The following MEF2C variants were observed in gnomAD, a reference collection of about 807,000 sequenced individuals.
MEF2C encodes the protein myocyte enhancer factor 2C, also known as myocyte-specific enhancer factor 2C.
In MEF2C, 6 loss-of-function variants were observed where a neutral mutation model predicts 50.5. The observed-to-expected ratio is 0.12, with a 90% confidence interval of 0.07 to 0.23. The LOEUF (loss-of-function observed/expected upper bound fraction) is 0.23. Ranked by LOEUF, MEF2C falls within the 10% of genes least tolerant of loss-of-function variation. The pLI, the probability that MEF2C is intolerant of heterozygous loss-of-function variation, is 1.00. For synonymous variants in MEF2C, 183 were observed against 228.0 expected, an observed-to-expected ratio of 0.80 and a Z score of 1.78; for missense variants, 276 against 605.0, an observed-to-expected ratio of 0.46 and a Z score of 5.70.
rs1188202765 is a variant in MEF2C, at chr5:88,721,956, G to A, written c.*648C>T. On this transcript the variant is annotated 3_prime_UTR_variant, in exon 11 of 11. Transcript: ENST00000504921. Reference sequence around the variant, plus strand: ...TTTATATTTTTATTTAATAAGAGATGCAGACCCAGATTTATTTATTTATTT... The same window carrying A: ...TTTATATTTTTATTTAATAAGAGATACAGACCCAGATTTATTTATTTATTT... 1 of 152,540 alleles carries A rather than the reference G, an allele frequency of 6.6e-6. No homozygotes were observed. The highest frequency in any genetic ancestry group is 1.5e-5 in the Non-Finnish European group (1 of 68,022). The allele number at this position is 152,540 out of a possible 1,614,324, so 9.4% of individuals were successfully genotyped here. A position where few individuals can be genotyped will look rare whatever the true frequency, so the allele number is the denominator to read the frequency against.
chr5:88,811,468 G>T (rs1248496598), intron 2 of MEF2C, among the ~76,000 whole-genome samples: 1 of 152,088 alleles, frequency 6.6e-6, no homozygotes, highest in Non-Finnish European at 1.5e-5. Flanking sequence ...TAAGCAGGAA[G>T]TTGGACTAGA....
intron 1 of MEF2C, among the ~76,000 whole-genome samples, chr5:88,868,181 G>A (rs1346619907): frequency 6.6e-6 from 1 of 152,004 alleles, no homozygotes; most frequent in East Asian, 1.9e-4. Context: ...TTCACGTTTC[G>A]GAACTACTCT....
At position 88,882,965 on chromosome 5, in the gene MEF2C, A is replaced by G. The variant is rs1833419442; in HGVS notation, c.-153T>C. ...ATCAGGGGTACTTACATGAAGGAAG[A>G]CCCGATCAGATTAGTCCTTGGGATA... On this transcript the variant is annotated 5_prime_UTR_variant, in exon 1 of 11. Coordinates refer to ENST00000504921, the MANE Select transcript of MEF2C (RefSeq NM_002397.5). 6.6e-6 allele frequency: 1 copy of G among 152,014 alleles called. No homozygotes were observed. The highest frequency in any genetic ancestry group is 6.6e-5 in the Admixed American group (1 of 15,254). The allele number at this position is 152,014 out of a possible 1,614,324, so 9.4% of individuals were successfully genotyped here. A position where few individuals can be genotyped will look rare whatever the true frequency, so the allele number is the denominator to read the frequency against.
chr5:88,825,246 A>G (rs1486162483), intron 1 of MEF2C, among the ~76,000 whole-genome samples: 1 of 150,978 alleles, frequency 6.6e-6, no homozygotes, highest in Non-Finnish European at 1.5e-5. Context: ...TAATTTCCAA[A>G]TTCTTTATCA....
intron 6 of MEF2C, chr5:88,734,567 T>G (rs77957548): frequency 1.5e-5 from 5 of 333,274 alleles, no homozygotes; most frequent in Non-Finnish European, 1.4e-5. Flanking sequence ...AAAAGTTTGT[T>G]TTTTTTTTTT....
At chr5:88,796,444 C>T (rs1283051872) in intron 3 of MEF2C, among the ~76,000 whole-genome samples, 1 of 152,096 alleles carries the variant, frequency 6.6e-6, no homozygotes, top group African/African-American at 2.4e-5. Context: ...TTATAGTATT[C>T]TTTAATGGTA....
At chr5:88,808,820 T>C (rs2153101987) in intron 2 of MEF2C, among the ~76,000 whole-genome samples, 1 of 152,250 alleles carries the variant, frequency 6.6e-6, no homozygotes, top group East Asian at 1.9e-4. Context: ...AGATTTCAAT[T>C]CTGCGCTTTT....
intron 6 of MEF2C, chr5:88,744,222 C>T: frequency 1.2e-6 from 1 of 833,528 alleles, no homozygotes; most frequent in African/African-American, 1.8e-5. Flanking sequence ...CGAACTTGAT[C>T]TTACCATCAT....
At chr5:88,805,498 G>T (rs1055995094) in intron 2 of MEF2C, among the ~76,000 whole-genome samples, 2 of 151,964 alleles carry the variant, frequency 1.3e-5, no homozygotes, top group Non-Finnish European at 2.9e-5. Context: ...ATATTTCTCA[G>T]GTTCACACTA....
At chr5:88,879,977 C>T (rs1832313074) in intron 1 of MEF2C, among the ~76,000 whole-genome samples, 1 of 151,844 alleles carries the variant, frequency 6.6e-6, no homozygotes, top group South Asian at 2.1e-4. Flanking sequence ...TGAATCACCT[C>T]TGTAATCTGG....
chr5:88,804,189 G>GT (rs1368503606), intron 3 of MEF2C, among the ~76,000 whole-genome samples: 2 of 152,134 alleles, frequency 1.3e-5, no homozygotes, highest in Non-Finnish European at 2.9e-5. Flanking sequence ...TTTTAAATAC[G>GT]TTTTTTCTTT....
At chr5:88,788,178 G>GTTTGTTTATTTATTTATTTA (rs71613095) in intron 3 of MEF2C, among the ~76,000 whole-genome samples, 7 of 89,096 alleles carry the variant, frequency 7.9e-5, no homozygotes, top group African/African-American at 2.3e-4. Flanking sequence ...TTGTTTGTTT[G>GTTTGTTTATTTATTTATTTA]TTTATTTATT....
intron 1 of MEF2C, among the ~76,000 whole-genome samples, chr5:88,859,738 A>C (rs935682004): frequency 9.2e-5 from 14 of 152,224 alleles, no homozygotes; most frequent in African/African-American, 2.7e-4. Flanking sequence ...GACAGATGTA[A>C]AGCTAATGGC....
At chr5:88,808,150 G>C (rs1481748739) in intron 2 of MEF2C, among the ~76,000 whole-genome samples, 6 of 152,236 alleles carry the variant, frequency 3.9e-5, no homozygotes, top group Non-Finnish European at 5.9e-5. Context: ...TAATTACACA[G>C]AGCTGCACTA....
chr5:88,784,581 T>C (rs1410980310), intron 3 of MEF2C, among the ~76,000 whole-genome samples: 2 of 152,200 alleles, frequency 1.3e-5, no homozygotes. Context: ...CATCTAAAAA[T>C]ATTTTTTATT....
intron 6 of MEF2C, chr5:88,742,981 G>A (rs535885121): frequency 3.6e-5 from 35 of 972,852 alleles, no homozygotes; most frequent in Middle Eastern, 5.3e-4. Context: ...AAGCAATGCC[G>A]TTAGTTATTT....
chr5:88,852,202 A>G (rs1263148414), intron 1 of MEF2C, among the ~76,000 whole-genome samples: 2 of 152,336 alleles, frequency 1.3e-5, no homozygotes, highest in African/African-American at 4.8e-5. Context: ...TAATATTAAA[A>G]AACACATCCT....
chr5:88,734,524 G>A (rs1763036031), intron 6 of MEF2C: 1 of 979,758 alleles, frequency 1.0e-6, no homozygotes, highest in South Asian at 4.7e-5. Flanking sequence ...GGGCCAGTGT[G>A]CGAAAATGGA....
intron 1 of MEF2C, among the ~76,000 whole-genome samples, chr5:88,875,811 T>C (rs762833009): frequency 6.6e-6 from 1 of 151,928 alleles, no homozygotes; most frequent in Non-Finnish European, 1.5e-5. Flanking sequence ...AGGGCTGAAA[T>C]CACTCCGAGA....
Sources: gnomAD v4.1 joint callset for allele counts (sites outside exome capture counted in the v4.1 genomes callset) on GRCh38, gnomAD v4.1.1 for gene constraint, MANE v1.5 for transcripts, NCBI Gene and HGNC (gene_info 2026-07-23, HGNC 2026-07-21) for gene names.